MAN1A1: variants seen among roughly 807,000 people sequenced by gnomAD.
MAN1A1 encodes mannosyl-oligosaccharide 1,2-alpha-mannosidase IA.
A neutral mutation model predicts 70.8 loss-of-function variants in MAN1A1; 29 were observed. The observed-to-expected ratio is 0.41, with a 90% CI of 0.31 to 0.56. The LOEUF (loss-of-function observed/expected upper bound fraction) is 0.56, where lower values mean the gene tolerates loss of function less well. Ranked by LOEUF, MAN1A1 falls within the 20% of genes least tolerant of loss-of-function variation. The pLI, the probability that MAN1A1 is intolerant of heterozygous loss-of-function variation, is 0.29. For missense variants in MAN1A1, 747 were observed against 841.3 expected (o/e 0.89, Z 1.39); for synonymous variants, 349 against 330.1 (o/e 1.06, Z -0.62).
At chr6:119,218,127 A>G (rs1054899580) in intron 6 of MAN1A1, among the ~76,000 whole-genome samples, 1 of 152,198 alleles carries the variant, frequency 6.6e-6, no homozygotes, top group African/African-American at 2.4e-5. Context: ...TACATTAAGA[A>G]AACTTGCCTT....
intron 2 of MAN1A1, among the ~76,000 whole-genome samples, chr6:119,315,599 A>G (rs1772829544): frequency 6.6e-6 from 1 of 152,228 alleles, no homozygotes; most frequent in African/African-American, 2.4e-5. Context: ...GGTACAGGGG[A>G]AAAGAAAAAG....
chr6:119,281,199 C>T (rs1362140175), intron 5 of MAN1A1, among the ~76,000 whole-genome samples: 1 of 152,226 alleles, frequency 6.6e-6, no homozygotes, highest in African/African-American at 2.4e-5. Flanking sequence ...ACACTCGTCA[C>T]CCTACTTTGG....
intron 8 of MAN1A1, among the ~76,000 whole-genome samples, chr6:119,199,118 A>G (rs937593596): frequency 2.0e-5 from 3 of 152,222 alleles, no homozygotes; most frequent in Non-Finnish European, 4.4e-5. Flanking sequence ...CCATTATACA[A>G]TATCAGAAAA....
chr6:119,291,527 A>AT (rs57534741), intron 4 of MAN1A1, among the ~76,000 whole-genome samples: 6,570 of 150,458 alleles, frequency 0.044, 154 homozygotes, highest in South Asian at 0.08. Flanking sequence ...GGGCCAGGGC[A>AT]TTTTTTTTTT....
chr6:119,251,753 G>C (rs1020466352), intron 5 of MAN1A1, among the ~76,000 whole-genome samples: 1 of 152,182 alleles, frequency 6.6e-6, no homozygotes, highest in African/African-American at 2.4e-5. Context: ...CCCAGATTAA[G>C]TCATTTTTTA....
chr6:119,204,749 A>C lies in MAN1A1; in HGVS notation c.1116+10T>G. The C allele has an allele frequency of 6.2e-7, 1 of 1,613,854 alleles. No homozygotes were observed. Among genetic ancestry groups the C allele is most frequent in the Non-Finnish European group, 8.5e-7 (1 of 1,179,790 alleles). Reference sequence around the variant, plus strand: ...TGCTTTGCAGGCCAAGGCACATTGAAGAATCTCACCTTTTCAGCAAAGATG... The same window carrying C: ...TGCTTTGCAGGCCAAGGCACATTGACGAATCTCACCTTTTCAGCAAAGATG... On this transcript the variant is annotated intron_variant, in intron 7 of 12. Transcript: ENST00000368468.
chr6:119,267,794 CA>C (rs1351614023), intron 5 of MAN1A1, among the ~76,000 whole-genome samples: 1 of 152,096 alleles, frequency 6.6e-6, no homozygotes, highest in African/African-American at 2.4e-5. Context: ...ATGATCATTT[CA>C]AAAAAGGATG....
Position 119,236,931 on chromosome 6 carries a change from G to A in MAN1A1, c.992+11329C>T, listed in dbSNP as rs908688548. 2.0e-5 allele frequency among the ~76,000 whole-genome samples: 3 copies of A among 152,198 alleles called. No homozygotes were observed. In the East Asian group the frequency reaches 5.8e-4, roughly 29 times the overall value. The stretch of plus-strand genomic sequence containing the variant: ...AATCAACATTAACAGGAGTTTGGAA[G>A]AAGTTGATTCTAACCATTCTAACCC... On this transcript the variant is annotated intron_variant, in intron 6 of 12. Coordinates refer to ENST00000368468, the MANE Select transcript of MAN1A1 (RefSeq NM_005907.4).
chr6:119,274,792 G>A (rs1202923665), intron 5 of MAN1A1, among the ~76,000 whole-genome samples: 1 of 152,094 alleles, frequency 6.6e-6, no homozygotes, highest in Non-Finnish European at 1.5e-5. Flanking sequence ...TATATTGAAA[G>A]TTTTTGTTAT....
chr6:119,192,103 G>T (rs1396012272), intron 9 of MAN1A1, among the ~76,000 whole-genome samples: 1 of 152,136 alleles, frequency 6.6e-6, no homozygotes, highest in East Asian at 1.9e-4. Context: ...AAAGTTGTGT[G>T]GGTATGGTTT....
At chr6:119,311,255 TAA>T (rs1478042669) in intron 2 of MAN1A1, among the ~76,000 whole-genome samples, 1 of 152,228 alleles carries the variant, frequency 6.6e-6, no homozygotes, top group Non-Finnish European at 1.5e-5. Context: ...CTTTGCAATC[TAA>T]AAGAGCTTCA....
intron 2 of MAN1A1, among the ~76,000 whole-genome samples, chr6:119,344,542 C>G (rs1562250438): frequency 1.3e-5 from 2 of 152,222 alleles, no homozygotes; most frequent in Non-Finnish European, 2.9e-5. Context: ...CACAGTGGCA[C>G]AGGCAAGCAA....
chr6:119,195,389 G>T (rs1773541626), intron 8 of MAN1A1, among the ~76,000 whole-genome samples: 1 of 152,102 alleles, frequency 6.6e-6, no homozygotes, highest in East Asian at 1.9e-4. Flanking sequence ...TATAGGCCTT[G>T]TTCTCTCTGC....
intron 5 of MAN1A1, among the ~76,000 whole-genome samples, chr6:119,267,418 A>G (rs947469949): frequency 3.3e-5 from 5 of 152,352 alleles, no homozygotes; most frequent in African/African-American, 1.2e-4. Context: ...AGTATTATTT[A>G]CAGAGAGAGA....
chr6:119,345,090 C>T (rs1773691154), intron 2 of MAN1A1, among the ~76,000 whole-genome samples: 1 of 149,876 alleles, frequency 6.7e-6, no homozygotes, highest in Non-Finnish European at 1.5e-5. Flanking sequence ...CAGGTCTCCC[C>T]TTAATTTCAG....
At position 119,263,165 on chromosome 6, in the gene MAN1A1, C is replaced by T. The variant is rs140440009; in HGVS notation, c.898-14811G>A. 4.3e-4 allele frequency among the ~76,000 whole-genome samples: 65 copies of T among 151,762 alleles called. 2 individuals carry two copies. In the East Asian group the frequency reaches 0.011, roughly 26 times the overall value. On this transcript the variant is annotated intron_variant, in intron 5 of 12. Coordinates refer to ENST00000368468, the MANE Select transcript of MAN1A1 (RefSeq NM_005907.4). ...ACAGCCTATTGTGGGACCTTGTGAT[C>T]GTGTAAGTTTTATATGTAAAAGGGG...
chr6:119,254,011 CT>C (rs1408581003), intron 5 of MAN1A1, among the ~76,000 whole-genome samples: 1 of 152,160 alleles, frequency 6.6e-6, no homozygotes, highest in African/African-American at 2.4e-5. Context: ...CTCCTGAGCT[CT>C]GATGAGGTTA....
In MAN1A1 at chr6:119,242,134, G is replaced by GACACATACACACAC. The variant is rs1554207761; in HGVS notation, c.992+6125_992+6126insGTGTGTGTATGTGT. 2.5e-4 allele frequency among the ~76,000 whole-genome samples: 37 copies of GACACATACACACAC among 150,630 alleles called. 1 individual carries two copies. Among genetic ancestry groups the GACACATACACACAC allele is most frequent in the Admixed American group, 2.3e-3 (35 of 15,128 alleles). On this transcript the variant is annotated intron_variant, in intron 6 of 12. Coordinates refer to ENST00000368468, the MANE Select transcript of MAN1A1 (RefSeq NM_005907.4). ...GCTATTTATAACAGACAGACAGACA[G>GACACATACACACAC]ACACACACACTTTCATAGACTGGGT...
intron 5 of MAN1A1, among the ~76,000 whole-genome samples, chr6:119,289,982 A>C (rs1475158718): frequency 6.6e-6 from 1 of 151,928 alleles, no homozygotes; most frequent in Non-Finnish European, 1.5e-5. Flanking sequence ...GATGAGGCCC[A>C]TTCCAACAAC....
Sources: allele counts gnomAD v4.1 joint callset (sites outside exome capture counted in the v4.1 genomes callset), GRCh38; gene constraint gnomAD v4.1.1; transcripts MANE v1.5; gene names NCBI Gene and HGNC (gene_info 2026-07-23, HGNC 2026-07-21).